VWCE: variants seen among roughly 807,000 people sequenced by gnomAD.
VWCE encodes the protein von Willebrand factor C and EGF domains.
VWCE carries 68 observed loss-of-function variants against 102.9 expected under a neutral mutation model. The ratio of observed to expected loss-of-function variants is 0.66; its 90% CI spans 0.54 to 0.81. The LOEUF (loss-of-function observed/expected upper bound fraction) is 0.81. Ranked by LOEUF, VWCE falls within the 30% of genes least tolerant of loss-of-function variation. The pLI is 0.00. For missense variants in VWCE, 1,137 were observed against 1,263.6 expected (o/e 0.90, Z 1.52); for synonymous variants, 497 against 515.4 (o/e 0.96, Z 0.48).
intron 13 of VWCE, among the ~76,000 whole-genome samples, chr11:61,272,336 A>G (rs1854741481): frequency 6.6e-6 from 1 of 152,014 alleles, no homozygotes; most frequent in African/African-American, 2.4e-5. Context: ...GAGAGACACA[A>G]ACTTACACAC....
In VWCE at chr11:61,281,231, G is replaced by T. The variant is rs1300626614; in HGVS notation, c.792C>A (p.Phe264Leu). 1 of 1,612,268 alleles carries T rather than the reference G, an allele frequency of 6.2e-7. No homozygotes were observed. Among genetic ancestry groups the T allele is most frequent in the African/African-American group, 1.3e-5 (1 of 74,858 alleles). The change falls in exon 8 of 20, where the codon TTC becomes TTA. Residue 264 changes from phenylalanine (F) to leucine (L), a missense_variant. Coordinates refer to ENST00000335613, the MANE Select transcript of VWCE (RefSeq NM_152718.2). ...CAGATGGGGCCAGCACGGCTTTCGG[G>T]AAAGCTGAAACAGAAGCACGGAGGT... ...LRADRVSCEA[F>L]PKAVLAPSAI...
At chr11:61,273,691 A>G in intron 12 of VWCE, 1 of 191,516 alleles carries the variant, frequency 5.2e-6, no homozygotes, top group Non-Finnish European at 1.1e-5. Flanking sequence ...TCAGGGGCAG[A>G]GGCTGTCAGT....
chr11:61,287,090 C>G (rs1855359117), intron 4 of VWCE, among the ~76,000 whole-genome samples: 1 of 152,132 alleles, frequency 6.6e-6, no homozygotes, highest in South Asian at 2.1e-4. Flanking sequence ...GAGCGAGACT[C>G]CATCTCAAGA....
At chr11:61,291,127 A>C in intron 3 of VWCE, 137 bp downstream of exon 3, 1 of 1,220,448 alleles carries the variant, frequency 8.2e-7, no homozygotes, top group Non-Finnish European at 1.1e-6. Context: ...TTCATCTATA[A>C]AATGGGCACA....
chr11:61,293,677 G>C (rs1329351323), intron 1 of VWCE, among the ~76,000 whole-genome samples: 1 of 152,178 alleles, frequency 6.6e-6, no homozygotes, highest in Non-Finnish European at 1.5e-5. Flanking sequence ...ATGATTCTGC[G>C]AGGCAGGCAC....
rs368933239 is a variant in VWCE at position 61,271,656 on chromosome 11, C to T, written c.1785+19G>A. ...GGCAGCCAGGTAAAGCAGCTGAAGG[C>T]GAGCAGGTTGTCATTCACCTGGCAG... On this transcript the variant is annotated intron_variant, in intron 14 of 19. Coordinates refer to ENST00000335613, the MANE Select transcript of VWCE (RefSeq NM_152718.2). 15 of 1,601,104 alleles carry T rather than the reference C, an allele frequency of 9.4e-6. No individual in the cohort carries two copies. Among genetic ancestry groups the T allele is most frequent in the East Asian group, 4.5e-5 (2 of 44,588 alleles).
At chr11:61,281,503 G>A (rs1855133470) in intron 7 of VWCE, among the ~76,000 whole-genome samples, 1 of 152,228 alleles carries the variant, frequency 6.6e-6, no homozygotes, top group South Asian at 2.1e-4. Flanking sequence ...GGGAAACAGT[G>A]AAAAGAAGAA....
intron 15 of VWCE, 58 bp from the exon 16 acceptor site, chr11:61,267,602 C>T (rs1276929479): frequency 2.7e-5 from 42 of 1,550,096 alleles, no homozygotes; most frequent in Non-Finnish European, 3.4e-5. Context: ...CCAGGCTTCC[C>T]GCCAGGGCCA....
chr11:61,276,136 G>A (rs1030432346), intron 11 of VWCE, among the ~76,000 whole-genome samples: 6 of 152,214 alleles, frequency 3.9e-5, no homozygotes, highest in Admixed American at 1.3e-4. Context: ...AACTGAGCTC[G>A]GGGGCTCATG....
chr11:61,267,983 C>A (rs1391460376), intron 15 of VWCE, among the ~76,000 whole-genome samples: 1 of 151,966 alleles, frequency 6.6e-6, no homozygotes, highest in Non-Finnish European at 1.5e-5. Flanking sequence ...CTGACAGCCC[C>A]AGAAGCCTGA....
At chr11:61,264,156 G>C (rs1854437035) in intron 19 of VWCE, among the ~76,000 whole-genome samples, 1 of 150,000 alleles carries the variant, frequency 6.7e-6, no homozygotes, top group South Asian at 2.1e-4. Flanking sequence ...AACCCGGGAG[G>C]CGGAGCTTGC....
chr11:61,272,542 A>T (rs1355697143), intron 13 of VWCE, among the ~76,000 whole-genome samples: 1 of 151,974 alleles, frequency 6.6e-6, no homozygotes, highest in Admixed American at 6.6e-5. Flanking sequence ...GATACCATTA[A>T]CACACTGACA....
chr11:61,282,185 C>T (rs1855166021), intron 6 of VWCE, among the ~76,000 whole-genome samples: 1 of 152,156 alleles, frequency 6.6e-6, no homozygotes, highest in African/African-American at 2.4e-5. Flanking sequence ...TTAATTGCTG[C>T]GTGGTAGGGG....
At position 61,274,644 on chromosome 11, in the gene VWCE, G is replaced by C. The variant is rs530568181; in HGVS notation, c.1496-60C>G. 9.6e-5 allele frequency: 148 copies of C among 1,542,990 alleles called. No individual in the cohort carries two copies. The South Asian group carries it at 1.5e-3, about 16-fold the overall frequency. ...TTTGGGCAGAGGCAGCTAAAGAAAGGGGGGAACAAATGGGTAGGGAGCCCC... is the reference window on the plus strand; with the variant it reads ...TTTGGGCAGAGGCAGCTAAAGAAAGCGGGGAACAAATGGGTAGGGAGCCCC... On this transcript the variant is annotated intron_variant, in intron 11 of 19. Transcript: ENST00000335613.
chr11:61,280,975 G>A lies in VWCE; in HGVS notation c.1048C>T (p.Leu350=). ...GAGGGGGGTCTGAGGTTCCCCAGCA[G>A]GGAGGCAGTAGGCACTGGGGTGGCC... The part of the protein sequence containing the change: ...LLATPVPTAS[L]LGNLRPPSLL... The change falls in exon 8 of 20, where the codon CTG becomes TTG. Residue 350 remains leucine (L), a synonymous_variant. Transcript: ENST00000335613. 6.5e-7 allele frequency: 1 copy of A among 1,537,952 alleles called. No individual in the cohort carries two copies. Among genetic ancestry groups the A allele is most frequent in the Non-Finnish European group, 8.7e-7 (1 of 1,144,136 alleles).
chr11:61,290,691 G>T, intron 4 of VWCE, 108 bp downstream of exon 4: 1 of 1,292,636 alleles, frequency 7.7e-7, no homozygotes, highest in Non-Finnish European at 1.0e-6. Context: ...AGCCTATCTT[G>T]GCTCAGCTTA....
rs1181624268 is a variant in VWCE, at chr11:61,294,267, G to GC, written c.110+660dup. On this transcript the variant is annotated intron_variant, in intron 1 of 19. Coordinates refer to ENST00000335613, the MANE Select transcript of VWCE (RefSeq NM_152718.2). The surrounding 1 kb of genome is among the most constrained non-coding windows in gnomAD (Gnocchi z 6.3). Reference sequence around the variant, plus strand: ...CCTGGCCGGGCCGCCCCCGCTGCGCGCCCCCCGGAGGACGTGGCCGCGGGC... The same window carrying GC: ...CCTGGCCGGGCCGCCCCCGCTGCGCGCCCCCCCGGAGGACGTGGCCGCGGGC... 6.6e-6 allele frequency among the ~76,000 whole-genome samples: 1 copy of GC among 152,086 alleles called. No homozygotes were observed. Among genetic ancestry groups the GC allele is most frequent in the Admixed American group, 6.5e-5 (1 of 15,274 alleles).
chr11:61,284,962 A>T (rs927982254), intron 5 of VWCE, among the ~76,000 whole-genome samples: 1 of 151,844 alleles, frequency 6.6e-6, no homozygotes, highest in Non-Finnish European at 1.5e-5. Context: ...AAAAAAAAAA[A>T]AGAAGAAGAA....
Position 61,294,840 on chromosome 11 carries a change from G to T in VWCE, c.110+88C>A. 1.1e-6 allele frequency: 1 copy of T among 910,046 alleles called. No individual in the cohort carries two copies. The highest frequency in any genetic ancestry group is 3.0e-5 in the South Asian group (1 of 32,936). 56.4% of individuals were successfully genotyped at this position (910,046 alleles called of 1,614,324 possible). On this transcript the variant is annotated intron_variant, in intron 1 of 19. Coordinates refer to ENST00000335613, the MANE Select transcript of VWCE (RefSeq NM_152718.2). This position sits in a 1 kb window ranked among gnomAD's most constrained non-coding sequence, Gnocchi z 6.3. ...GAAGCCCCGACACGCGGCTGCCTGC[G>T]GCTCCTGAGCGCCCCTCCGCGCCTC...
Sources: gnomAD v4.1 joint callset for allele counts (sites outside exome capture counted in the v4.1 genomes callset) on GRCh38, gnomAD v4.1.1 for gene constraint, Gnocchi (gnomAD v3.1) non-coding constraint, MANE v1.5 for transcripts, NCBI Gene and HGNC (gene_info 2026-07-23, HGNC 2026-07-21) for gene names.